The following ACVR1C variants were observed in gnomAD, a reference collection of about 807,000 sequenced individuals.
ACVR1C encodes activin receptor type-1C.
A neutral mutation model predicts 57.9 loss-of-function variants in ACVR1C; 23 were observed. That is an observed-to-expected ratio of 0.40 (90% CI 0.29 to 0.56). ACVR1C has a LOEUF of 0.56. Ranked by LOEUF, ACVR1C falls within the 20% of genes least tolerant of loss-of-function variation. The pLI, the probability that ACVR1C is intolerant of heterozygous loss-of-function variation, is 0.50. For missense variants in ACVR1C, 480 were observed against 607.9 expected, an observed-to-expected ratio of 0.79 and a Z score of 2.21; for synonymous variants, 214 against 215.3, an observed-to-expected ratio of 0.99 and a Z score of 0.05.
chr2:157,622,665 A>T (rs1682806874), intron 1 of ACVR1C, among the ~76,000 whole-genome samples: 1 of 152,190 alleles, frequency 6.6e-6, no homozygotes, highest in Non-Finnish European at 1.5e-5. Context: ...ACAAGAAAAC[A>T]TTGGGGAAAA....
intron 1 of ACVR1C, among the ~76,000 whole-genome samples, chr2:157,588,385 A>G (rs1688977995): frequency 2.0e-5 from 3 of 151,966 alleles, no homozygotes; most frequent in Non-Finnish European, 4.4e-5. Context: ...TCATTTAAAT[A>G]TATTGTTTCT....
rs1687654712 is a variant in ACVR1C at position 157,542,874 on chromosome 2, A to G, written c.944-12T>C. On this transcript the variant is annotated splice_polypyrimidine_tract_variant and intron_variant, in intron 5 of 8. Coordinates refer to ENST00000243349, the MANE Select transcript of ACVR1C (RefSeq NM_145259.3). ...AATAGCAGGTTTACCTATGAAGCAA[A>G]GAAGAACATATTCATTTTTTTCTTT... The G allele has an allele frequency of 6.2e-7, 1 of 1,612,482 alleles. No homozygotes were observed. The highest frequency in any genetic ancestry group is 8.5e-7 in the Non-Finnish European group (1 of 1,179,292).
rs1345037774 is a variant in ACVR1C, at chr2:157,531,832, A to G, written c.*2086T>C. 1 of 152,118 alleles carries G rather than the reference A, an allele frequency of 6.6e-6. No individual in the cohort carries two copies. The highest frequency in any genetic ancestry group is 2.4e-5 in the African/African-American group (1 of 41,448). 9.4% of individuals were successfully genotyped at this position (152,118 alleles called of 1,614,324 possible). ...AAAGCAATTTTCAGACCTATCCTAG[A>G]AACCCACTGTCATGCAGAACTCAAG... is the stretch of plus-strand genomic sequence containing the variant. On this transcript the variant is annotated 3_prime_UTR_variant, in exon 9 of 9. Transcript: ENST00000243349.
At chr2:157,563,538 T>C (rs1038681539) in intron 2 of ACVR1C, among the ~76,000 whole-genome samples, 2 of 152,208 alleles carry the variant, frequency 1.3e-5, no homozygotes, top group African/African-American at 4.8e-5. Flanking sequence ...ATGGCCATGC[T>C]GCCTAAATTA....
intron 2 of ACVR1C, among the ~76,000 whole-genome samples, chr2:157,571,312 C>A (rs1688508063): frequency 2.7e-5 from 1 of 36,380 alleles, no homozygotes. Flanking sequence ...TGGGCAAGGA[C>A]TTCATGTCCA....
chr2:157,541,729 G>A (rs1350442163), intron 6 of ACVR1C, among the ~76,000 whole-genome samples: 2 of 152,216 alleles, frequency 1.3e-5, no homozygotes, highest in African/African-American at 4.8e-5. Context: ...CTGCCCGGAA[G>A]TGTTCCTGGG....
chr2:157,581,541 C>CA (rs1170985289), intron 2 of ACVR1C, among the ~76,000 whole-genome samples: 3 of 151,862 alleles, frequency 2.0e-5, no homozygotes, highest in African/African-American at 7.3e-5. Context: ...GTCACACACA[C>CA]AAAAAATAAA....
chr2:157,531,202 T>C lies in ACVR1C; in HGVS notation c.*2716A>G, dbSNP rs757496512. 3 of 152,050 alleles carry C rather than the reference T, an allele frequency of 2.0e-5. No homozygotes were observed. Among genetic ancestry groups the C allele is most frequent in the Non-Finnish European group, 4.4e-5 (3 of 67,948 alleles). 9.4% of individuals were successfully genotyped at this position (152,050 alleles called of 1,614,324 possible). A position where few individuals can be genotyped will look rare whatever the true frequency, so the allele number is the denominator to read the frequency against. ...CTGCCTTATGCTCTAAACTTCATCA[T>C]CCTATTTTTGTAAGTGAGCATGTTC... On this transcript the variant is annotated 3_prime_UTR_variant, in exon 9 of 9. Transcript: ENST00000243349.
At chr2:157,591,875 T>C (rs1164639098) in intron 1 of ACVR1C, among the ~76,000 whole-genome samples, 1 of 152,066 alleles carries the variant, frequency 6.6e-6, no homozygotes, top group East Asian at 1.9e-4. Flanking sequence ...AAAGACAAAG[T>C]GACTGACTTA....
Position 157,537,181 on chromosome 2 carries a change from T to TA in ACVR1C, c.1356+1391dup, listed in dbSNP as rs779956696. 5.3e-5 allele frequency among the ~76,000 whole-genome samples: 8 copies of TA among 152,044 alleles called. No homozygotes were observed. The South Asian group carries it at 1.7e-3, about 32-fold the overall frequency. ...TTATTCTGGATATATGTATATATTC[T>TA]AAAAAAATACATATAGTAAAATTCA... On this transcript the variant is annotated intron_variant, in intron 8 of 8. Transcript: ENST00000243349.
intron 1 of ACVR1C, among the ~76,000 whole-genome samples, chr2:157,622,663 A>G (rs1682806817): frequency 6.6e-6 from 1 of 152,196 alleles, no homozygotes; most frequent in Non-Finnish European, 1.5e-5. Flanking sequence ...CTACAAGAAA[A>G]CATTGGGGAA....
intron 1 of ACVR1C, among the ~76,000 whole-genome samples, chr2:157,618,666 T>C (rs1364479730): frequency 6.6e-6 from 1 of 151,682 alleles, no homozygotes; most frequent in Non-Finnish European, 1.5e-5. Context: ...TATCAATAGT[T>C]TAAAAAAGTA....
At position 157,528,312 on chromosome 2, in the gene ACVR1C, T is replaced by G. The variant is rs1234353885; in HGVS notation, c.*5606A>C. 1.3e-5 allele frequency: 2 copies of G among 152,012 alleles called. No homozygotes were observed. The highest frequency in any genetic ancestry group is 4.8e-5 in the African/African-American group (2 of 41,414). 9.4% of individuals were successfully genotyped at this position (152,012 alleles called of 1,614,324 possible). ...GCACTCAGATTCTTAGTGGCCCTATTAAAATTCAGATTAACATAACCCACA... is the reference window on the plus strand; with the variant it reads ...GCACTCAGATTCTTAGTGGCCCTATGAAAATTCAGATTAACATAACCCACA... On this transcript the variant is annotated 3_prime_UTR_variant, in exon 9 of 9. Transcript: ENST00000243349.
intron 1 of ACVR1C, among the ~76,000 whole-genome samples, chr2:157,617,788 T>C (rs1682686431): frequency 1.3e-5 from 2 of 152,098 alleles, no homozygotes; most frequent in Non-Finnish European, 2.9e-5. Flanking sequence ...GATATATATA[T>C]GATAAGGCAA....
intron 2 of ACVR1C, among the ~76,000 whole-genome samples, chr2:157,565,136 T>TA (rs199614456): frequency 0.041 from 6,190 of 150,620 alleles, 202 homozygotes; most frequent in African/African-American, 0.093. Flanking sequence ...CTTTTAAAAA[T>TA]AAAAAAAAAG....
At chr2:157,549,756 C>T (rs537691708) in intron 4 of ACVR1C, among the ~76,000 whole-genome samples, 27 of 147,004 alleles carry the variant, frequency 1.8e-4, no homozygotes, top group South Asian at 1.5e-3. Flanking sequence ...GAGGCCGAGG[C>T]GGGCAGATCA....
chr2:157,556,986 G>A (rs1688120627), intron 2 of ACVR1C, among the ~76,000 whole-genome samples: 1 of 152,116 alleles, frequency 6.6e-6, no homozygotes, highest in Non-Finnish European at 1.5e-5. Flanking sequence ...TTTAAAGCAT[G>A]TACATTCATT....
rs1687295799 is a variant in ACVR1C at position 157,528,908 on chromosome 2, G to A, written c.*5010C>T. ...TCTTATACAGAGAACTTAAAATCTTGTTAAGAAGTTCATTGTGTAGAAGTT... is the reference window on the plus strand; with the variant it reads ...TCTTATACAGAGAACTTAAAATCTTATTAAGAAGTTCATTGTGTAGAAGTT... On this transcript the variant is annotated 3_prime_UTR_variant, in exon 9 of 9. Coordinates refer to ENST00000243349, the MANE Select transcript of ACVR1C (RefSeq NM_145259.3). The A allele has an allele frequency of 1.3e-5, 2 of 152,228 alleles. No homozygotes were observed. The highest frequency in any genetic ancestry group is 1.9e-4 in the East Asian group (1 of 5,190). The allele number at this position is 152,228 out of a possible 1,614,324, so 9.4% of individuals were successfully genotyped here. A position where few individuals can be genotyped will look rare whatever the true frequency, so the allele number is the denominator to read the frequency against.
intron 2 of ACVR1C, among the ~76,000 whole-genome samples, chr2:157,565,574 C>T (rs1274923818): frequency 3.3e-5 from 5 of 152,096 alleles, no homozygotes; most frequent in Non-Finnish European, 7.4e-5. Context: ...TGAATAAGGA[C>T]AGAAGATTTT....
Sources: gnomAD v4.1 joint callset for allele counts (sites outside exome capture counted in the v4.1 genomes callset) on GRCh38, gnomAD v4.1.1 for gene constraint, MANE v1.5 for transcripts, NCBI Gene and HGNC (gene_info 2026-07-23, HGNC 2026-07-21) for gene names.